NEDD4L: variants seen among roughly 807,000 people sequenced by gnomAD.
The protein encoded by NEDD4L is E3 ubiquitin-protein ligase NEDD4-like.
Under a neutral mutation model 148.9 loss-of-function variants are expected in NEDD4L, and 54 were observed. The ratio of observed to expected loss-of-function variants is 0.36; its 90% confidence interval spans 0.29 to 0.45. The LOEUF is 0.45. NEDD4L is among the 20% of genes least tolerant of loss of function. The pLI, the probability that NEDD4L is intolerant of heterozygous loss-of-function variation, is 1.00. For synonymous variants in NEDD4L, 433 were observed against 440.7 expected (o/e 0.98, Z 0.22); for missense variants, 856 against 1,233.8 (o/e 0.69, Z 4.59).
chr18:58,387,513 C>T lies in NEDD4L; in HGVS notation c.2547+15C>T. The T allele has an allele frequency of 2.0e-6, 3 of 1,529,434 alleles. No individual in the cohort carries two copies. The highest frequency in any genetic ancestry group is 2.6e-6 in the Non-Finnish European group (3 of 1,136,038). 94.7% of individuals were successfully genotyped at this position (1,529,434 alleles called of 1,614,324 possible). A position where few individuals can be genotyped will look rare whatever the true frequency, so the allele number is the denominator to read the frequency against. ...ATGAGCTGGAGGTTTGTATTATAAA[C>T]ATTATTTTATGTAAAGTGGATTTTT... is the stretch of plus-strand genomic sequence containing the variant. On this transcript the variant is annotated intron_variant, in intron 27 of 30. Transcript: ENST00000400345.
At chr18:58,350,247 A>G (rs1040104027) in intron 17 of NEDD4L, among the ~76,000 whole-genome samples, 1 of 152,128 alleles carries the variant, frequency 6.6e-6, no homozygotes, top group African/African-American at 2.4e-5. Flanking sequence ...GTTGTTTTCC[A>G]AGTGTAAGAA....
At chr18:58,096,790 A>T (rs1461722763) in intron 1 of NEDD4L, among the ~76,000 whole-genome samples, 1 of 152,198 alleles carries the variant, frequency 6.6e-6, no homozygotes, top group Non-Finnish European at 1.5e-5. Context: ...TGCTGTAATG[A>T]ATTTTTCCCT....
intron 5 of NEDD4L, among the ~76,000 whole-genome samples, chr18:58,284,843 C>G (rs970331440): frequency 6.6e-6 from 1 of 152,152 alleles, no homozygotes; most frequent in African/African-American, 2.4e-5. Flanking sequence ...ATTAACCCCA[C>G]AGGGCTATGT....
Position 58,285,892 on chromosome 18 carries a change from A to G in NEDD4L, c.298-30090A>G, listed in dbSNP as rs190173030. Among the ~76,000 whole-genome samples, 4 of 152,382 alleles carry G rather than the reference A, an allele frequency of 2.6e-5. No homozygotes were observed. The East Asian group carries it at 7.7e-4, about 29-fold the overall frequency. ...ATCTTATTTAAACAACATGTTCAGC[A>G]AGCTGTTATCTTGCTTACGCAATGA... On this transcript the variant is annotated intron_variant, in intron 5 of 30. Coordinates refer to ENST00000400345, the MANE Select transcript of NEDD4L (RefSeq NM_001144967.3).
At chr18:58,295,813 A>G (rs8094327) in intron 5 of NEDD4L, among the ~76,000 whole-genome samples, 26,003 of 151,990 alleles carry the variant, frequency 0.17, 2,445 homozygotes, top group Non-Finnish European at 0.19. Context: ...AAAGGGGGCA[A>G]GATTTTTTTA....
chr18:58,274,361 C>T (rs1352390916), intron 5 of NEDD4L, among the ~76,000 whole-genome samples: 3 of 152,174 alleles, frequency 2.0e-5, no homozygotes, highest in Non-Finnish European at 2.9e-5. Flanking sequence ...CTGGGAGGTT[C>T]GAACTTTGCC....
At chr18:58,387,680 G>T in intron 27 of NEDD4L, 182 bp downstream of exon 27, 1 of 693,718 alleles carries the variant, frequency 1.4e-6, no homozygotes, top group Non-Finnish European at 2.1e-6. Flanking sequence ...TGTCTCTTAT[G>T]GGGCTTGTTT....
At chr18:58,357,161 C>T in intron 18 of NEDD4L, 33 bp from the exon 19 acceptor site, 1 of 1,283,372 alleles carries the variant, frequency 7.8e-7, no homozygotes, top group Non-Finnish European at 1.1e-6. Context: ...AACTAATGTT[C>T]TGATTTTTTT....
chr18:58,330,805 C>T lies in NEDD4L; in HGVS notation c.881C>T (p.Pro294Leu). Residue 294 changes from proline to leucine, a missense_variant, in exon 11 of 31, where the codon CCA becomes CTA. Pro to Leu is a moderately conservative substitution (Grantham distance 98). Transcript: ENST00000400345. ...TCTCTCGGTCTGGCTCTGCCCCCAC[C>T]ACCGGCCTCCCCAGGATCTCGGACC... Reference protein sequence around the residue: ...GDSLGLALPPPPASPGSRTSP... With the variant: ...GDSLGLALPPLPASPGSRTSP... 1 of 1,613,796 alleles carries T rather than the reference C, an allele frequency of 6.2e-7. No homozygotes were observed. The highest frequency in any genetic ancestry group is 8.5e-7 in the Non-Finnish European group (1 of 1,179,770).
Position 58,364,292 on chromosome 18 carries a change from A to C in NEDD4L, c.1792A>C (p.Lys598Gln). Residue 598 changes from lysine (K) to glutamine (Q), a missense_variant, in exon 20 of 31, where the codon AAG becomes CAG. Physicochemically the swap from Lys to Gln is moderately conservative, Grantham distance 53 (BLOSUM62 1). Around this residue, in one of 4 missense-constraint regions of NEDD4L, gnomAD observed 286 missense variants for 531.8 expected, o/e 0.54. Transcript: ENST00000400345. ...GGCTGTCCCTTACTCCAGAGAATTT[A>C]AGCAGAAATATGACTACTTCAGGAA... Reference protein sequence around the residue: ...GPAVPYSREFKQKYDYFRKKL... With the variant: ...GPAVPYSREFQQKYDYFRKKL... 6.4e-7 allele frequency: 1 copy of C among 1,559,768 alleles called. No homozygotes were observed. Among genetic ancestry groups the C allele is most frequent in the Non-Finnish European group, 8.7e-7 (1 of 1,149,260 alleles).
chr18:58,311,014 CT>C (rs76708557), intron 5 of NEDD4L, among the ~76,000 whole-genome samples: 11,619 of 147,002 alleles, frequency 0.079, 478 homozygotes, highest in Middle Eastern at 0.11. Context: ...AACTCTAAAC[CT>C]TTTTTTTTTT....
chr18:58,260,223 ATTCTT>A (rs1568500896), intron 5 of NEDD4L, among the ~76,000 whole-genome samples: 3 of 152,214 alleles, frequency 2.0e-5, no homozygotes, highest in Non-Finnish European at 2.9e-5. Flanking sequence ...AACAAGTAGC[ATTCTT>A]TTCATTGACC....
intron 1 of NEDD4L, among the ~76,000 whole-genome samples, chr18:58,094,638 C>T (rs574824218): frequency 9.2e-5 from 14 of 152,264 alleles, no homozygotes; most frequent in African/African-American, 3.4e-4. Context: ...TGTGTTTATT[C>T]GTAATCACAC....
intron 9 of NEDD4L, among the ~76,000 whole-genome samples, chr18:58,326,753 A>T (rs560173482): frequency 6.6e-6 from 1 of 152,378 alleles, no homozygotes; most frequent in South Asian, 2.1e-4. Flanking sequence ...AAAATATTCA[A>T]CTTCATAAAT....
intron 5 of NEDD4L, among the ~76,000 whole-genome samples, chr18:58,275,075 T>A (rs2051672669): frequency 6.6e-6 from 1 of 152,242 alleles, no homozygotes; most frequent in Non-Finnish European, 1.5e-5. Context: ...ATCTTTTGAC[T>A]CCCCCACAAT....
intron 1 of NEDD4L, among the ~76,000 whole-genome samples, chr18:58,140,079 G>A (rs1265610993): frequency 6.6e-6 from 1 of 152,164 alleles, no homozygotes; most frequent in Non-Finnish European, 1.5e-5. Flanking sequence ...CCAGGGGAGA[G>A]GTGTTGTGGC....
At chr18:58,308,240 A>G (rs911043432) in intron 5 of NEDD4L, among the ~76,000 whole-genome samples, 2 of 152,210 alleles carry the variant, frequency 1.3e-5, no homozygotes, top group Non-Finnish European at 2.9e-5. Flanking sequence ...ATTCATTAAA[A>G]TGTTTTAGTT....
At position 58,119,725 on chromosome 18, in the gene NEDD4L, G is replaced by A. The variant is rs1360256917; in HGVS notation, c.49-46063G>A. Among the ~76,000 whole-genome samples the A allele has an allele frequency of 2.6e-5, 4 of 152,214 alleles. No individual in the cohort carries two copies. In the East Asian group the frequency reaches 7.7e-4, roughly 29 times the overall value. ...GCCTAGCTATTGGTTTGGCCCAGTGGTTTTCAATTTTGGCTGCACATCAGA... is the reference window on the plus strand; with the variant it reads ...GCCTAGCTATTGGTTTGGCCCAGTGATTTTCAATTTTGGCTGCACATCAGA... On this transcript the variant is annotated intron_variant, in intron 1 of 30. Coordinates refer to ENST00000400345, the MANE Select transcript of NEDD4L (RefSeq NM_001144967.3).
intron 2 of NEDD4L, among the ~76,000 whole-genome samples, chr18:58,234,164 T>TTC (rs759281941): frequency 6.6e-6 from 1 of 150,454 alleles, no homozygotes; most frequent in Non-Finnish European, 1.5e-5. Context: ...TTTCTTCTTT[T>TTC]TCTCTCTCTT....
Sources: allele counts gnomAD v4.1 joint callset (sites outside exome capture counted in the v4.1 genomes callset), GRCh38; gene constraint gnomAD v4.1.1; regional missense constraint gnomAD v4.1.1; transcripts MANE v1.5; gene names NCBI Gene and HGNC (gene_info 2026-07-23, HGNC 2026-07-21).